CTNNA3: variants seen among roughly 807,000 people sequenced by gnomAD.
CTNNA3 encodes the protein catenin alpha 3, also known as catenin alpha-3.
A neutral mutation model predicts 95.7 loss-of-function variants in CTNNA3; 76 were observed. That is an observed-to-expected ratio of 0.79 (90% CI 0.66 to 0.96). The LOEUF (loss-of-function observed/expected upper bound fraction) is 0.96. Among genes scored for constraint, CTNNA3 ranks in the 40% least tolerant of loss-of-function variants. The probability of loss-of-function intolerance (pLI) is 0.00; values close to 1 mark genes in which losing one functional copy is unlikely to be tolerated. For synonymous variants in CTNNA3, 431 were observed against 374.4 expected, an observed-to-expected ratio of 1.15 and a Z score of -1.74; for missense variants, 1,191 against 1,089.8, an observed-to-expected ratio of 1.09 and a Z score of -1.31.
intron 7 of CTNNA3, among the ~76,000 whole-genome samples, chr10:67,055,362 A>G (rs1249838042): frequency 1.3e-5 from 2 of 152,210 alleles, no homozygotes; most frequent in Non-Finnish European, 2.9e-5. Context: ...GTAAAAAGAG[A>G]GCAGTCAAAC....
intron 7 of CTNNA3, among the ~76,000 whole-genome samples, chr10:66,956,729 T>C (rs1377395811): frequency 1.3e-5 from 2 of 152,224 alleles, no homozygotes; most frequent in African/African-American, 4.8e-5. Context: ...ATCTGTATTT[T>C]TCCAAAGTGG....
chr10:66,251,768 A>C (rs2090562155), intron 13 of CTNNA3, among the ~76,000 whole-genome samples: 1 of 152,222 alleles, frequency 6.6e-6, no homozygotes, highest in African/African-American at 2.4e-5. Flanking sequence ...AACATTGTTC[A>C]AATAATAAGA....
At chr10:67,421,951 C>A (rs1030893757) in intron 5 of CTNNA3, among the ~76,000 whole-genome samples, 5 of 152,028 alleles carry the variant, frequency 3.3e-5, no homozygotes, top group Non-Finnish European at 5.9e-5. Context: ...ATTGGGACAA[C>A]CAACATCATG....
At chr10:66,696,468 T>C (rs1847768019) in intron 9 of CTNNA3, among the ~76,000 whole-genome samples, 1 of 152,176 alleles carries the variant, frequency 6.6e-6, no homozygotes, top group Non-Finnish European at 1.5e-5. Flanking sequence ...GTAGTAAATA[T>C]GAGAATGCCT....
intron 7 of CTNNA3, among the ~76,000 whole-genome samples, chr10:67,093,332 C>T (rs905289044): frequency 6.6e-6 from 1 of 151,818 alleles, no homozygotes; most frequent in Non-Finnish European, 1.5e-5. Flanking sequence ...GGTAGGTTGA[C>T]TAAGTCATTT....
chr10:66,033,326 A>T (rs1310958205), intron 15 of CTNNA3, among the ~76,000 whole-genome samples: 1 of 151,416 alleles, frequency 6.6e-6, no homozygotes, highest in Non-Finnish European at 1.5e-5. Context: ...TAGTAGAGAC[A>T]GGGTTTCACC....
At chr10:67,320,993 C>T (rs1841296575) in intron 5 of CTNNA3, among the ~76,000 whole-genome samples, 1 of 152,176 alleles carries the variant, frequency 6.6e-6, no homozygotes, top group Non-Finnish European at 1.5e-5. Flanking sequence ...ATAGCTTCTT[C>T]TCTAAACCAT....
intron 14 of CTNNA3, among the ~76,000 whole-genome samples, chr10:66,092,459 A>G (rs1044480790): frequency 1.3e-5 from 2 of 151,938 alleles, no homozygotes; most frequent in Non-Finnish European, 2.9e-5. Context: ...TTTTAGTTTC[A>G]GACTTCTATT....
At chr10:67,542,360 T>G (rs1217388258) in intron 3 of CTNNA3, among the ~76,000 whole-genome samples, 1 of 152,096 alleles carries the variant, frequency 6.6e-6, no homozygotes, top group East Asian at 1.9e-4. Flanking sequence ...AAAACCTGTC[T>G]TTTCTTCTGG....
chr10:66,133,617 G>A (rs1446192487), intron 13 of CTNNA3, among the ~76,000 whole-genome samples: 10 of 151,354 alleles, frequency 6.6e-5, no homozygotes, highest in Admixed American at 2.6e-4. Flanking sequence ...TCGATGAAGC[G>A]GGATTAGCCC....
chr10:66,952,654 TAGTC>T (rs547476760), intron 7 of CTNNA3, among the ~76,000 whole-genome samples: 4 of 152,212 alleles, frequency 2.6e-5, no homozygotes, highest in African/African-American at 9.6e-5. Flanking sequence ...GACATTGTCA[TAGTC>T]AGGTAAATTG....
At chr10:67,033,178 C>T (rs547150805) in intron 7 of CTNNA3, among the ~76,000 whole-genome samples, 2 of 152,246 alleles carry the variant, frequency 1.3e-5, no homozygotes, top group South Asian at 4.2e-4. Context: ...AATATATGAT[C>T]TTCAAGTCCT....
intron 7 of CTNNA3, among the ~76,000 whole-genome samples, chr10:67,104,924 G>A (rs1858543907): frequency 6.6e-6 from 1 of 151,910 alleles, no homozygotes; most frequent in Non-Finnish European, 1.5e-5. Context: ...TCTCATTGTG[G>A]CACCATTACC....
chr10:67,078,246 C>G (rs1372686729), intron 7 of CTNNA3, among the ~76,000 whole-genome samples: 1 of 152,220 alleles, frequency 6.6e-6, no homozygotes, highest in Admixed American at 6.5e-5. Context: ...TCCCCCAATT[C>G]AAGTTCTGGA....
chr10:67,753,616 C>A (rs561172785), intron 1 of CTNNA3, among the ~76,000 whole-genome samples: 150 of 152,120 alleles, frequency 9.9e-4, no homozygotes, highest in African/African-American at 3.4e-3. Flanking sequence ...AACAAATTTA[C>A]AAGAAAACAA....
intron 14 of CTNNA3, among the ~76,000 whole-genome samples, chr10:66,084,630 G>A (rs1368613457): frequency 6.6e-6 from 1 of 152,076 alleles, no homozygotes. Context: ...AGTTGAAAAT[G>A]TTTTATCTGT....
intron 7 of CTNNA3, among the ~76,000 whole-genome samples, chr10:67,064,334 C>T (rs73256450): frequency 0.063 from 9,579 of 152,068 alleles, 362 homozygotes; most frequent in South Asian, 0.19. Flanking sequence ...CTACAATGAT[C>T]CATCCCTTGA....
chr10:66,594,262 T>G (rs2132236971), intron 10 of CTNNA3, among the ~76,000 whole-genome samples: 1 of 152,270 alleles, frequency 6.6e-6, no homozygotes, highest in South Asian at 2.1e-4. Context: ...TCCAAAACAT[T>G]TTCTCAATGT....
intron 1 of CTNNA3, among the ~76,000 whole-genome samples, chr10:67,690,844 A>G (rs928190258): frequency 2.0e-5 from 3 of 150,186 alleles, no homozygotes; most frequent in Admixed American, 1.3e-4. Context: ...TCATCTAGAA[A>G]GTCTTGCTAC....
Sources: allele counts gnomAD v4.1 joint callset (sites outside exome capture counted in the v4.1 genomes callset), GRCh38; gene constraint gnomAD v4.1.1; transcripts MANE v1.5; gene names NCBI Gene and HGNC (gene_info 2026-07-23, HGNC 2026-07-21).